CPQ: variants seen among roughly 807,000 people sequenced by gnomAD.
The protein encoded by CPQ is Ser-Met dipeptidase.
A neutral mutation model predicts 45.7 loss-of-function variants in CPQ; 37 were observed. The observed-to-expected ratio is 0.81, with a 90% confidence interval of 0.62 to 1.07. CPQ has a LOEUF of 1.07. Ranked by LOEUF, CPQ falls within the 50% of genes least tolerant of loss-of-function variation. The pLI, the probability that CPQ is intolerant of heterozygous loss-of-function variation, is 0.00. For missense variants in CPQ, 537 were observed against 572.9 expected (o/e 0.94, Z 0.64); for synonymous variants, 186 against 205.8 (o/e 0.90, Z 0.82).
At chr8:97,073,127 T>C (rs1051813010) in intron 7 of CPQ, among the ~76,000 whole-genome samples, 1 of 152,252 alleles carries the variant, frequency 6.6e-6, no homozygotes, top group Non-Finnish European at 1.5e-5. Flanking sequence ...TCATCTTTTC[T>C]ATAATAGTTC....
At chr8:96,820,030 T>C (rs949076171) in intron 2 of CPQ, among the ~76,000 whole-genome samples, 1 of 152,096 alleles carries the variant, frequency 6.6e-6, no homozygotes, top group Non-Finnish European at 1.5e-5. Flanking sequence ...AATCAAGATA[T>C]CTATGGTGTT....
chr8:96,833,532 C>T (rs553711975), intron 2 of CPQ, among the ~76,000 whole-genome samples: 1 of 152,278 alleles, frequency 6.6e-6, no homozygotes, highest in Non-Finnish European at 1.5e-5. Context: ...GCCAAGTTCC[C>T]ATACTATGCC....
chr8:96,746,238 G>A (rs1313782762), intron 1 of CPQ, among the ~76,000 whole-genome samples: 2 of 152,148 alleles, frequency 1.3e-5, no homozygotes, highest in Non-Finnish European at 2.9e-5. Context: ...CTGGAGCCAA[G>A]CAATGCAAAA....
chr8:96,950,366 CAAAT>C (rs1813243213), intron 4 of CPQ, among the ~76,000 whole-genome samples: 1 of 152,028 alleles, frequency 6.6e-6, no homozygotes, highest in African/African-American at 2.4e-5. Flanking sequence ...TAAACAGAAA[CAAAT>C]AAACTCAGAT....
intron 1 of CPQ, among the ~76,000 whole-genome samples, chr8:96,659,739 C>T (rs1414994303): frequency 6.6e-6 from 1 of 152,212 alleles, no homozygotes; most frequent in African/African-American, 2.4e-5. Context: ...ACAAAACAGG[C>T]TCATAGTCGG....
chr8:96,986,087 T>C (rs151261903), intron 5 of CPQ, among the ~76,000 whole-genome samples: 61 of 152,312 alleles, frequency 4.0e-4, no homozygotes, highest in African/African-American at 1.4e-3. Flanking sequence ...ATTTAGCTAC[T>C]GGCTGATCTA....
intron 7 of CPQ, among the ~76,000 whole-genome samples, chr8:97,116,088 G>T (rs1811587794): frequency 6.6e-6 from 1 of 152,152 alleles, no homozygotes; most frequent in South Asian, 2.1e-4. Context: ...GACAGAAAAA[G>T]AAATGATAGG....
rs573406049 is a variant in CPQ, at chr8:96,801,169, G to C, written c.433+15839G>C. Among the ~76,000 whole-genome samples the C allele has an allele frequency of 2.0e-5, 3 of 152,028 alleles. No individual in the cohort carries two copies. The South Asian group carries it at 6.2e-4, about 32-fold the overall frequency. On this transcript the variant is annotated intron_variant, in intron 2 of 7. Transcript: ENST00000220763. ...TTTTGTATTTTTTGGTAGAGATGGG[G>C]TTTTGCCATGTTGGCCAGGCTGGTC...
chr8:96,969,798 G>A (rs1350423799), intron 5 of CPQ, among the ~76,000 whole-genome samples: 1 of 152,018 alleles, frequency 6.6e-6, no homozygotes, highest in East Asian at 1.9e-4. Context: ...CAGTAATCAA[G>A]AAAAAGCTAT....
intron 2 of CPQ, among the ~76,000 whole-genome samples, chr8:96,829,966 G>A (rs754405491): frequency 7.2e-5 from 11 of 152,104 alleles, no homozygotes; most frequent in Admixed American, 2.0e-4. Flanking sequence ...ATTCTTCCAC[G>A]AAAAGGACAT....
intron 3 of CPQ, among the ~76,000 whole-genome samples, chr8:96,851,625 G>A (rs1307321055): frequency 6.6e-6 from 1 of 152,148 alleles, no homozygotes; most frequent in Non-Finnish European, 1.5e-5. Flanking sequence ...CCATTTATGA[G>A]GGGAGGAGCC....
chr8:97,022,636 C>T (rs1052018859), intron 5 of CPQ, among the ~76,000 whole-genome samples: 1 of 152,090 alleles, frequency 6.6e-6, no homozygotes, highest in South Asian at 2.1e-4. Flanking sequence ...AAATGCTCAA[C>T]ATCACTAATG....
chr8:97,096,140 C>T (rs1341611680), intron 7 of CPQ, among the ~76,000 whole-genome samples: 2 of 151,986 alleles, frequency 1.3e-5, no homozygotes, highest in African/African-American at 4.8e-5. Context: ...AAATGTTTTC[C>T]ATTATAATCT....
chr8:96,658,984 T>C (rs998402467), intron 1 of CPQ, among the ~76,000 whole-genome samples: 1 of 152,234 alleles, frequency 6.6e-6, no homozygotes, highest in Admixed American at 6.5e-5. Context: ...AAATTTGTGG[T>C]ATTTTGTTAC....
chr8:96,760,142 A>G (rs927917966), intron 1 of CPQ, among the ~76,000 whole-genome samples: 2 of 152,194 alleles, frequency 1.3e-5, no homozygotes, highest in East Asian at 1.9e-4. Context: ...TCCAGTTCTC[A>G]TGATTCCCTG....
chr8:97,066,109 TGGA>T lies in CPQ; in HGVS notation c.1160_1162del (p.Glu387del). The T allele has an allele frequency of 6.2e-7, 1 of 1,612,562 alleles. No individual in the cohort carries two copies. Among genetic ancestry groups the T allele is most frequent in the Non-Finnish European group, 8.5e-7 (1 of 1,179,562 alleles). ...GGCAGTGAAAAGGCCAGGGCCATCA[TGGA>T]GGAGGTTATGAGCCTGCTGCAGCCC... is the stretch of plus-strand genomic sequence containing the variant. On this transcript the variant is annotated inframe_deletion, in exon 7 of 8. Transcript: ENST00000220763.
intron 6 of CPQ, among the ~76,000 whole-genome samples, chr8:97,030,326 G>A (rs761419328): frequency 4.6e-5 from 7 of 152,072 alleles, no homozygotes; most frequent in Non-Finnish European, 7.4e-5. Flanking sequence ...TATCCAAATC[G>A]GAGAAGGGTT....
intron 7 of CPQ, among the ~76,000 whole-genome samples, chr8:97,090,913 A>G (rs2130565493): frequency 6.6e-6 from 1 of 152,300 alleles, no homozygotes; most frequent in South Asian, 2.1e-4. Context: ...TCATAACAGG[A>G]TGCTGCAAGA....
intron 4 of CPQ, among the ~76,000 whole-genome samples, chr8:96,896,717 T>C (rs543633194): frequency 7.8e-4 from 118 of 152,254 alleles, no homozygotes; most frequent in African/African-American, 1.8e-3. Flanking sequence ...ATGCTTTCCA[T>C]AAAATTTGTC....
Sources: gnomAD v4.1 joint callset for allele counts (sites outside exome capture counted in the v4.1 genomes callset) on GRCh38, gnomAD v4.1.1 for gene constraint, MANE v1.5 for transcripts, NCBI Gene and HGNC (gene_info 2026-07-23, HGNC 2026-07-21) for gene names.